Variants in WDR37 observed in about 807,000 individuals in gnomAD.
WDR37 encodes WD repeat domain 37.
WDR37 carries 19 observed loss-of-function variants against 62.9 expected under a neutral mutation model. That is an observed-to-expected ratio of 0.30 (90% CI 0.21 to 0.44). The LOEUF is 0.44. Ranked by LOEUF, WDR37 falls within the 20% of genes least tolerant of loss-of-function variation. The pLI, the probability that WDR37 is intolerant of heterozygous loss-of-function variation, is 1.00. For synonymous variants in WDR37, 250 were observed against 260.9 expected, an observed-to-expected ratio of 0.96 and a Z score of 0.40; for missense variants, 474 against 657.6, an observed-to-expected ratio of 0.72 and a Z score of 3.05.
At chr10:1,125,302 C>G (rs1446508270) in intron 13 of WDR37, among the ~76,000 whole-genome samples, 2 of 151,920 alleles carry the variant, frequency 1.3e-5, no homozygotes, top group African/African-American at 4.8e-5. Flanking sequence ...ACCTCTGTCT[C>G]CCAGGTTCAA....
At chr10:1,072,883 T>C (rs993444791) in intron 2 of WDR37, among the ~76,000 whole-genome samples, 1 of 152,144 alleles carries the variant, frequency 6.6e-6, no homozygotes, top group African/African-American at 2.4e-5. Flanking sequence ...TTGCGGACAG[T>C]ACAATTCTGG....
At chr10:1,087,544 A>C (rs1233660617) in intron 7 of WDR37, among the ~76,000 whole-genome samples, 1 of 152,250 alleles carries the variant, frequency 6.6e-6, no homozygotes, top group East Asian at 1.9e-4. Context: ...CATCTTGTAC[A>C]TCTCCATCAG....
chr10:1,091,549 C>T (rs1235361164), intron 7 of WDR37, among the ~76,000 whole-genome samples: 1 of 152,188 alleles, frequency 6.6e-6, no homozygotes, highest in African/African-American at 2.4e-5. Context: ...GTCAAATTTC[C>T]TATATGTTCT....
At chr10:1,069,623 A>C (rs1463522454) in intron 1 of WDR37, among the ~76,000 whole-genome samples, 4 of 151,906 alleles carry the variant, frequency 2.6e-5, no homozygotes, top group Non-Finnish European at 5.9e-5. Context: ...TTACAGATTA[A>C]TGGTTATCAG....
intron 9 of WDR37, among the ~76,000 whole-genome samples, chr10:1,102,677 C>G (rs1418904365): frequency 6.6e-6 from 1 of 152,186 alleles, no homozygotes; most frequent in Non-Finnish European, 1.5e-5. Flanking sequence ...GGAATCCTCC[C>G]CCATGAGCCA....
At chr10:1,084,290 T>C in intron 5 of WDR37, 113 bp from the exon 6 acceptor site, 2 of 1,350,904 alleles carry the variant, frequency 1.5e-6, no homozygotes, top group Non-Finnish European at 2.0e-6. Flanking sequence ...GCTTTAACTG[T>C]CCTAGTCAGT....
chr10:1,091,043 A>G (rs902296673), intron 7 of WDR37, among the ~76,000 whole-genome samples: 3 of 152,172 alleles, frequency 2.0e-5, no homozygotes, highest in East Asian at 1.9e-4. Flanking sequence ...TAACCCCAAC[A>G]TGATTCTGTG....
chr10:1,127,699 G>A (rs1045489598), intron 13 of WDR37, among the ~76,000 whole-genome samples: 50 of 152,298 alleles, frequency 3.3e-4, no homozygotes, highest in Admixed American at 1.6e-3. Flanking sequence ...GGGTCCCTGC[G>A]CAAGGGTCTC....
At chr10:1,115,827 A>G (rs1871627) in intron 11 of WDR37, among the ~76,000 whole-genome samples, 147,568 of 152,290 alleles carry the variant, frequency 0.97, 71,670 homozygotes, top group East Asian at 1. Context: ...GTGACTTTGC[A>G]GACAGCAGGG....
intron 13 of WDR37, among the ~76,000 whole-genome samples, chr10:1,127,663 G>C (rs778036830): frequency 6.6e-6 from 1 of 152,250 alleles, no homozygotes; most frequent in Non-Finnish European, 1.5e-5. Flanking sequence ...CAGGGTTCCT[G>C]TGAAGAGCAG....
chr10:1,094,795 G>A (rs551927787), intron 8 of WDR37, among the ~76,000 whole-genome samples: 1 of 152,234 alleles, frequency 6.6e-6, no homozygotes, highest in African/African-American at 2.4e-5. Flanking sequence ...ATAGAGAGGA[G>A]AGTTAGACTT....
chr10:1,074,414 T>G, intron 2 of WDR37: 1 of 1,303,734 alleles, frequency 7.7e-7, no homozygotes, highest in South Asian at 1.2e-5. Context: ...CGTCCTCTGC[T>G]CCACCTTTGG....
Position 1,056,705 on chromosome 10 carries a change from G to C in WDR37, c.-304G>C, listed in dbSNP as rs943183110. 2 of 152,338 alleles carry C rather than the reference G, an allele frequency of 1.3e-5. No individual in the cohort carries two copies. The highest frequency in any genetic ancestry group is 4.8e-5 in the African/African-American group (2 of 41,464). 9.4% of individuals were successfully genotyped at this position (152,338 alleles called of 1,614,324 possible). ...CCCTCGGGGCTGCGGGGCGGAAGCC[G>C]GGGCGTGACTTCCGGCGCCGCCGGG... On this transcript the variant is annotated 5_prime_UTR_variant, in exon 1 of 14. Transcript: ENST00000263150.
chr10:1,074,045 T>C (rs1833797632), intron 2 of WDR37, among the ~76,000 whole-genome samples: 2 of 152,232 alleles, frequency 1.3e-5, no homozygotes, highest in Admixed American at 1.3e-4. Context: ...ACCAGTCACG[T>C]GGCTGCTGAG....
In WDR37 at chr10:1,131,689, T is replaced by TGTGTGC. The variant is rs769576706; in HGVS notation, c.*2350_*2351insCGTGTG. 436 of 130,306 alleles carry TGTGTGC rather than the reference T, an allele frequency of 3.3e-3. 4 individuals are homozygous for TGTGTGC. The highest frequency in any genetic ancestry group is 0.031 in the East Asian group (135 of 4,324). 8.1% of individuals were successfully genotyped at this position (130,306 alleles called of 1,614,324 possible). On this transcript the variant is annotated 3_prime_UTR_variant, in exon 14 of 14. Coordinates refer to ENST00000263150, the MANE Select transcript of WDR37 (RefSeq NM_014023.4). The stretch of plus-strand genomic sequence containing the variant: ...CACAGACAAGATCGGGGATGGTGTG[T>TGTGTGC]GTGTGTGTGTGTGTGTGTGTGTGCA...
intron 13 of WDR37, among the ~76,000 whole-genome samples, chr10:1,127,991 C>T (rs1835852739): frequency 2.0e-5 from 3 of 152,228 alleles, no homozygotes; most frequent in African/African-American, 7.2e-5. Context: ...AGCTCTTGCC[C>T]ACAGCCTTGG....
intron 7 of WDR37, 86 bp from the exon 8 acceptor site, chr10:1,093,366 C>T (rs1834464687): frequency 9.3e-7 from 1 of 1,075,606 alleles, no homozygotes. Context: ...TTAATGTTGA[C>T]TTTGAAATAC....
chr10:1,124,419 G>A, intron 12 of WDR37, 67 bp downstream of exon 12: 7 of 1,598,660 alleles, frequency 4.4e-6, no homozygotes, highest in Non-Finnish European at 5.1e-6. Context: ...GTGATTTCAT[G>A]TTTTATTCAT....
At chr10:1,125,612 TTAG>T (rs1193133380) in intron 13 of WDR37, among the ~76,000 whole-genome samples, 5 of 152,080 alleles carry the variant, frequency 3.3e-5, no homozygotes, top group African/African-American at 1.2e-4. Context: ...GGTGCACGTG[TTAG>T]TGGTGGTGGC....
Sources: allele counts gnomAD v4.1 joint callset (sites outside exome capture counted in the v4.1 genomes callset), GRCh38; gene constraint gnomAD v4.1.1; transcripts MANE v1.5; gene names NCBI Gene and HGNC (gene_info 2026-07-23, HGNC 2026-07-21).